The following NRTN variants were observed in gnomAD, a reference collection of about 807,000 sequenced individuals.
NRTN encodes prepro-neurturin.
A neutral mutation model predicts 7.5 loss-of-function variants in NRTN; 3 were observed. The observed-to-expected ratio is 0.40, with a 90% CI of 0.18 to 1.03. NRTN has a LOEUF of 1.03. NRTN is among the 50% of genes least tolerant of loss of function. NRTN has a pLI of 0.34. For synonymous variants in NRTN, 157 were observed against 146.6 expected, an observed-to-expected ratio of 1.07 and a Z score of -0.51; for missense variants, 310 against 307.0, an observed-to-expected ratio of 1.01 and a Z score of -0.07.
intron 1 of NRTN, among the ~76,000 whole-genome samples, chr19:5,822,673 T>C (rs1277563880): frequency 2.6e-5 from 4 of 152,026 alleles, no homozygotes; most frequent in African/African-American, 4.8e-5. Flanking sequence ...CATGGAAGGC[T>C]CCCTGGAGGA....
At chr19:5,823,502 G>A (rs756659225) in intron 1 of NRTN, among the ~76,000 whole-genome samples, 1 of 152,180 alleles carries the variant, frequency 6.6e-6, no homozygotes, top group Non-Finnish European at 1.5e-5. Context: ...GGACCTATCT[G>A]TGCAAAAGCC....
In NRTN at chr19:5,806,926, C is replaced by T. The variant is rs2144754255; in HGVS notation, c.-399+1475C>T. On this transcript the variant is annotated intron_variant, in intron 1 of 2. Coordinates refer to ENST00000303212, the MANE Select transcript of NRTN (RefSeq NM_004558.5). This position sits in a 1 kb window ranked among gnomAD's most constrained non-coding sequence, Gnocchi z 5.4. ...TGTTTCGACAAATGTGTGTCGATGG[C>T]AACCGCGTGGTTGACTGGTGTCAGG... Among the ~76,000 whole-genome samples, 1 of 152,300 alleles carries T rather than the reference C, an allele frequency of 6.6e-6. No homozygotes were observed. The highest frequency in any genetic ancestry group is 1.9e-4 in the East Asian group (1 of 5,188).
chr19:5,811,811 AAAGTGC>A (rs1364129461), intron 1 of NRTN, among the ~76,000 whole-genome samples: 1 of 150,982 alleles, frequency 6.6e-6, no homozygotes, highest in Non-Finnish European at 1.5e-5. Flanking sequence ...TTGGCCTCCC[AAAGTGC>A]TGGGATTACA....
In NRTN at chr19:5,828,043, G is replaced by A; in HGVS notation, c.464G>A (p.Arg155Gln). 7.1e-7 allele frequency: 1 copy of A among 1,408,048 alleles called. No homozygotes were observed. Among genetic ancestry groups the A allele is most frequent in the South Asian group, 1.5e-5 (1 of 64,762 alleles). 87.2% of individuals were successfully genotyped at this position (1,408,048 alleles called of 1,614,324 possible). A position where few individuals can be genotyped will look rare whatever the true frequency, so the allele number is the denominator to read the frequency against. The change falls in exon 3 of 3, where the codon CGG becomes CAG. Residue 155 changes from arginine to glutamine, a missense_variant. Transcript: ENST00000303212. ...LRRLRQRRRL[R>Q]RERVRAQPCC... ...CGACTGCGCCAGCGGCGGCGCCTGC[G>A]GCGGGAGCGGGTGCGCGCGCAGCCC... is the stretch of plus-strand genomic sequence containing the variant.
chr19:5,817,449 A>G, intron 1 of NRTN, among the ~76,000 whole-genome samples: 2 of 77,258 alleles, frequency 2.6e-5, no homozygotes, highest in Non-Finnish European at 4.9e-5. Context: ...GGAAGGAAGG[A>G]AGGGAAAGAG....
In NRTN at chr19:5,828,204, C is replaced by T. The variant is rs1348767229; in HGVS notation, c.*31C>T. 2 of 1,523,978 alleles carry T rather than the reference C, an allele frequency of 1.3e-6. No individual in the cohort carries two copies. Among genetic ancestry groups the T allele is most frequent in the South Asian group, 1.2e-5 (1 of 82,986 alleles). 94.4% of individuals were successfully genotyped at this position (1,523,978 alleles called of 1,614,324 possible). Reference sequence around the variant, plus strand: ...CCTCACTCGGCCGGCGCGGCGGCCACTCCCCCCGCCTCGACGGCACCACTG... The same window carrying T: ...CCTCACTCGGCCGGCGCGGCGGCCATTCCCCCCGCCTCGACGGCACCACTG... On this transcript the variant is annotated 3_prime_UTR_variant, in exon 3 of 3. Coordinates refer to ENST00000303212, the MANE Select transcript of NRTN (RefSeq NM_004558.5).
chr19:5,823,415 C>T (rs1271277346), intron 1 of NRTN, among the ~76,000 whole-genome samples: 5 of 151,938 alleles, frequency 3.3e-5, no homozygotes, highest in Admixed American at 2.6e-4. Flanking sequence ...GAGACTCCAT[C>T]TCCAAAAGAA....
At chr19:5,820,060 A>G (rs1405834355) in intron 1 of NRTN, among the ~76,000 whole-genome samples, 1 of 150,906 alleles carries the variant, frequency 6.6e-6, no homozygotes, top group African/African-American at 2.4e-5. Context: ...AGGTCAGGAG[A>G]TCGAGACCAT....
In NRTN at chr19:5,827,767, G is replaced by A. The variant is rs755851154; in HGVS notation, c.188G>A (p.Gly63Glu). ...RLAQYRALLQ[G>E]APDAMELREL... ...CTCGCAGACCGTGCACTCCTGCAGG[G>A]GGCCCCGGATGCGATGGAGCTGCGC... The change falls in exon 3 of 3, where the codon GGG (glycine) becomes GAG (glutamate). Residue 63 changes from glycine (G) to glutamate (E), a missense_variant. Transcript: ENST00000303212. 1.6e-6 allele frequency: 2 copies of A among 1,225,640 alleles called. No individual in the cohort carries two copies. Among genetic ancestry groups the A allele is most frequent in the Admixed American group, 3.4e-5 (1 of 29,108 alleles). 75.9% of individuals were successfully genotyped at this position (1,225,640 alleles called of 1,614,324 possible).
At position 5,806,417 on chromosome 19, in the gene NRTN, T is replaced by A. The variant is rs2056975370; in HGVS notation, c.-399+966T>A. 6.6e-6 allele frequency among the ~76,000 whole-genome samples: 1 copy of A among 152,094 alleles called. No homozygotes were observed. On this transcript the variant is annotated intron_variant, in intron 1 of 2. Coordinates refer to ENST00000303212, the MANE Select transcript of NRTN (RefSeq NM_004558.5). The surrounding 1 kb of genome is among the most constrained non-coding windows in gnomAD (Gnocchi z 5.4). ...AGGCCGGACCCCTGACTTTCCTCCCTCTTGCCTGTCTCCCCTGCCCTTTCC... is the reference window on the plus strand; with the variant it reads ...AGGCCGGACCCCTGACTTTCCTCCCACTTGCCTGTCTCCCCTGCCCTTTCC...
intron 1 of NRTN, among the ~76,000 whole-genome samples, chr19:5,809,169 A>G (rs945047317): frequency 1.4e-4 from 20 of 138,246 alleles, no homozygotes. Flanking sequence ...CTTCATCCTG[A>G]GTTTTTTTTT....
intron 2 of NRTN, 134 bp downstream of exon 2, chr19:5,824,468 C>A: frequency 9.0e-7 from 1 of 1,108,434 alleles, no homozygotes; most frequent in South Asian, 1.3e-5. Context: ...TGCAGGGAGG[C>A]AGGGACAGAC....
At chr19:5,812,025 A>G (rs976125748) in intron 1 of NRTN, among the ~76,000 whole-genome samples, 4 of 149,696 alleles carry the variant, frequency 2.7e-5, no homozygotes, top group African/African-American at 7.4e-5. Context: ...GCCCAATACC[A>G]CGCCCAGCCA....
At chr19:5,816,943 T>A (rs2057006914) in intron 1 of NRTN, among the ~76,000 whole-genome samples, 1 of 152,196 alleles carries the variant, frequency 6.6e-6, no homozygotes, top group African/African-American at 2.4e-5. Flanking sequence ...AACACACTAG[T>A]GGATTCATGC....
rs755236696 is a variant in NRTN, at chr19:5,824,232, T to A, written c.67T>A (p.Cys23Ser). 3 of 1,612,486 alleles carry A rather than the reference T, an allele frequency of 1.9e-6. No individual in the cohort carries two copies. The highest frequency in any genetic ancestry group is 2.5e-6 in the Non-Finnish European group (3 of 1,179,942). The change falls in exon 2 of 3, where the codon TGT (cysteine) becomes AGT (serine). Residue 23 changes from cysteine (C) to serine (S), a missense_variant. Transcript: ENST00000303212. ...CAGCTCCGTGCTGTCCATCTGGATGTGTCGAGAGGGCCTGCTTCTCAGCCA... is the reference window on the plus strand; with the variant it reads ...CAGCTCCGTGCTGTCCATCTGGATGAGTCGAGAGGGCCTGCTTCTCAGCCA... The part of the protein sequence containing the change: ...LCSSVLSIWM[C>S]REGLLLSHRL...
In NRTN at chr19:5,820,735, C is replaced by CAAAAAAAAAAA. The variant is rs1332878144; in HGVS notation, c.-398-3031_-398-3030insAAAAAAAAAAA. On this transcript the variant is annotated intron_variant, in intron 1 of 2. Coordinates refer to ENST00000303212, the MANE Select transcript of NRTN (RefSeq NM_004558.5). ...TGGGCAACAGAGTGAAACTCTGTCT[C>CAAAAAAAAAAA]AAGAAAAAAAAAAAAAAAAAAAAAA... 2.7e-4 allele frequency among the ~76,000 whole-genome samples: 17 copies of CAAAAAAAAAAA among 62,132 alleles called. 1 individual carries two copies. Among genetic ancestry groups the CAAAAAAAAAAA allele is most frequent in the Admixed American group, 1.7e-3 (7 of 4,106 alleles). The allele number at this position is 62,132 out of a possible 152,430, so 40.8% of individuals were successfully genotyped here.
chr19:5,828,197 GCGGCCACTCCCCCCGCCTCGA>G lies in NRTN; in HGVS notation c.*29_*49del. The G allele has an allele frequency of 2.6e-6, 4 of 1,528,032 alleles. No individual in the cohort carries two copies. Among genetic ancestry groups the G allele is most frequent in the Non-Finnish European group, 3.5e-6 (4 of 1,143,310 alleles). The allele number at this position is 1,528,032 out of a possible 1,614,324, so 94.7% of individuals were successfully genotyped here. On this transcript the variant is annotated 3_prime_UTR_variant, in exon 3 of 3. Transcript: ENST00000303212. ...GACCCTACCTCACTCGGCCGGCGCG[GCGGCCACTCCCCCCGCCTCGA>G]CGGCACCACTGGCCGGCCCCGCGAA...
chr19:5,822,226 T>C (rs1329253547), intron 1 of NRTN, among the ~76,000 whole-genome samples: 1 of 149,642 alleles, frequency 6.7e-6, no homozygotes, highest in African/African-American at 2.4e-5. Flanking sequence ...TGCAAATAAA[T>C]CTCTGGGTGG....
rs574629957 is a variant in NRTN, at chr19:5,822,400, C to G, written c.-398-1368C>G. ...CCTGGCCGGCCGCCAGGCTCCACGC[C>G]GCCCCACACTAGGCAGCCGGGAGGG... is the stretch of plus-strand genomic sequence containing the variant. On this transcript the variant is annotated intron_variant, in intron 1 of 2. Transcript: ENST00000303212. Among the ~76,000 whole-genome samples the G allele has an allele frequency of 2.6e-5, 4 of 152,318 alleles. No homozygotes were observed. The East Asian group carries it at 7.7e-4, about 29-fold the overall frequency.
Sources: allele counts gnomAD v4.1 joint callset (sites outside exome capture counted in the v4.1 genomes callset), GRCh38; gene constraint gnomAD v4.1.1; non-coding constraint Gnocchi (gnomAD v3.1); transcripts MANE v1.5; gene names NCBI Gene and HGNC (gene_info 2026-07-23, HGNC 2026-07-21).